KCNN3: variants seen among roughly 807,000 people sequenced by gnomAD.
The protein encoded by KCNN3 is potassium calcium-activated channel subfamily N member 3.
KCNN3 carries 16 observed loss-of-function variants against 62.9 expected under a neutral mutation model. The observed-to-expected ratio is 0.25, with a 90% CI of 0.17 to 0.39. The LOEUF (loss-of-function observed/expected upper bound fraction) is 0.39. Ranked by LOEUF, KCNN3 falls within the 10% of genes least tolerant of loss-of-function variation. The probability of loss-of-function intolerance (pLI) is 1.00; values close to 1 mark genes in which losing one functional copy is unlikely to be tolerated. For missense variants in KCNN3, 599 were observed against 949.4 expected (o/e 0.63, Z 4.85); for synonymous variants, 370 against 389.2 (o/e 0.95, Z 0.58).
At chr1:154,835,525 G>A (rs1651552599) in intron 1 of KCNN3, among the ~76,000 whole-genome samples, 1 of 152,202 alleles carries the variant, frequency 6.6e-6, no homozygotes, top group Non-Finnish European at 1.5e-5. Flanking sequence ...TTAGTAGACA[G>A]TATTTTTAGC....
In KCNN3 at chr1:154,745,413, C is replaced by T. The variant is rs6703251; in HGVS notation, c.1449-12269G>A. On this transcript the variant is annotated intron_variant, in intron 3 of 7. Transcript: ENST00000271915. Reference sequence around the variant, plus strand: ...TTTTCTCACCGAGGTGGTGGCATCTCTGTCTCCATTAGTGGTTTCCTGTAG... The same window carrying T: ...TTTTCTCACCGAGGTGGTGGCATCTTTGTCTCCATTAGTGGTTTCCTGTAG... 6.6e-3 allele frequency among the ~76,000 whole-genome samples: 1,002 copies of T among 152,340 alleles called. 12 individuals carry two copies. Among genetic ancestry groups the T allele is most frequent in the African/African-American group, 0.023 (970 of 41,570 alleles).
At chr1:154,840,319 A>G (rs1158672839) in intron 1 of KCNN3, among the ~76,000 whole-genome samples, 2 of 152,234 alleles carry the variant, frequency 1.3e-5, no homozygotes, top group African/African-American at 4.8e-5. Context: ...AAAAAGAAAT[A>G]GAAATCAAAG....
Position 154,855,691 on chromosome 1 carries a change from G to A in KCNN3, c.933+13341C>T, listed in dbSNP as rs548134570. Among the ~76,000 whole-genome samples the A allele has an allele frequency of 6.6e-5, 10 of 152,270 alleles. No individual in the cohort carries two copies. The East Asian group carries it at 1.2e-3, about 18-fold the overall frequency. ...GACACATTTCTTAGACTGCGTCCCC[G>A]TCGTTGCAACGCATGACTGTATATC... On this transcript the variant is annotated intron_variant, in intron 1 of 7. Transcript: ENST00000271915.
chr1:154,805,230 G>T (rs1650120098), intron 2 of KCNN3, among the ~76,000 whole-genome samples: 1 of 152,162 alleles, frequency 6.6e-6, no homozygotes, highest in Admixed American at 6.5e-5. Context: ...GGTCTAATCA[G>T]ACTATGGACA....
intron 2 of KCNN3, among the ~76,000 whole-genome samples, chr1:154,789,436 G>T (rs1031209776): frequency 2.1e-4 from 32 of 152,072 alleles, no homozygotes; most frequent in Admixed American, 8.5e-4. Flanking sequence ...GGCAGGGGGG[G>T]GCATTATGAT....
chr1:154,791,024 T>A (rs534418197), intron 2 of KCNN3, among the ~76,000 whole-genome samples: 1 of 151,852 alleles, frequency 6.6e-6, no homozygotes, highest in African/African-American at 2.4e-5. Flanking sequence ...AGGTCAGGAG[T>A]TCGAGACCAG....
chr1:154,700,934 T>G lies in KCNN3; in HGVS notation c.*7042A>C, dbSNP rs1055214335. ...ATTGAAAATAAGCCAATTTCCATTA[T>G]CCGGTGAGTAAGTAACCTGATAAAA... On this transcript the variant is annotated 3_prime_UTR_variant, in exon 8 of 8. Transcript: ENST00000271915. 6.6e-6 allele frequency: 1 copy of G among 152,180 alleles called. No homozygotes were observed. The highest frequency in any genetic ancestry group is 2.4e-5 in the African/African-American group (1 of 41,450). The allele number at this position is 152,180 out of a possible 1,614,324, so 9.4% of individuals were successfully genotyped here.
intron 1 of KCNN3, among the ~76,000 whole-genome samples, chr1:154,861,710 C>T (rs1308614179): frequency 1.3e-5 from 2 of 152,176 alleles, no homozygotes; most frequent in East Asian, 1.9e-4. Context: ...AACCACCGTC[C>T]GCCTGGGATG....
chr1:154,782,371 A>G (rs1234138920), intron 2 of KCNN3, among the ~76,000 whole-genome samples: 1 of 152,220 alleles, frequency 6.6e-6, no homozygotes, highest in Non-Finnish European at 1.5e-5. Flanking sequence ...ACAGTTCTGG[A>G]GGCTGGAAGT....
intron 1 of KCNN3, among the ~76,000 whole-genome samples, chr1:154,864,467 T>G (rs984471786): frequency 2.6e-5 from 4 of 152,174 alleles, no homozygotes; most frequent in Non-Finnish European, 4.4e-5. Flanking sequence ...TACTACTCAA[T>G]CATTTGGTCT....
intron 3 of KCNN3, among the ~76,000 whole-genome samples, chr1:154,739,172 G>A (rs1700775460): frequency 6.6e-6 from 1 of 152,234 alleles, no homozygotes; most frequent in African/African-American, 2.4e-5. Context: ...GGGAAGAGCT[G>A]GTGGAAGACA....
At chr1:154,751,121 C>G (rs938961127) in intron 3 of KCNN3, among the ~76,000 whole-genome samples, 1 of 152,206 alleles carries the variant, frequency 6.6e-6, no homozygotes, top group Admixed American at 6.5e-5. Context: ...TCGGCAGAGT[C>G]CAGTCCCAGG....
intron 1 of KCNN3, among the ~76,000 whole-genome samples, chr1:154,829,850 C>T (rs1470025003): frequency 3.9e-5 from 6 of 152,300 alleles, no homozygotes; most frequent in African/African-American, 1.4e-4. Context: ...CTTCCCGAGG[C>T]TGGCCATGCC....
At chr1:154,773,006 T>G (rs1484773677) in intron 2 of KCNN3, among the ~76,000 whole-genome samples, 1 of 152,178 alleles carries the variant, frequency 6.6e-6, no homozygotes, top group Non-Finnish European at 1.5e-5. Context: ...AGTGTTTTGT[T>G]TTGTTTTTTT....
At chr1:154,734,432 T>C (rs1325849632) in intron 3 of KCNN3, among the ~76,000 whole-genome samples, 1 of 152,214 alleles carries the variant, frequency 6.6e-6, no homozygotes, top group Non-Finnish European at 1.5e-5. Flanking sequence ...CCATTGGGGC[T>C]TCCGTGAGTT....
intron 2 of KCNN3, among the ~76,000 whole-genome samples, chr1:154,793,393 C>T (rs1161820222): frequency 2.0e-5 from 3 of 151,996 alleles, no homozygotes; most frequent in Non-Finnish European, 4.4e-5. Flanking sequence ...TATCTTAAAG[C>T]AAATGGGGTG....
At chr1:154,790,455 A>G (rs1177602910) in intron 2 of KCNN3, among the ~76,000 whole-genome samples, 1 of 152,232 alleles carries the variant, frequency 6.6e-6, no homozygotes, top group Non-Finnish European at 1.5e-5. Flanking sequence ...ATTAGCCTAC[A>G]TTTGAGCAAA....
chr1:154,742,883 G>T (rs957717274), intron 3 of KCNN3, among the ~76,000 whole-genome samples: 2 of 152,258 alleles, frequency 1.3e-5, no homozygotes, highest in South Asian at 2.1e-4. Flanking sequence ...GCACGGATGT[G>T]GAGAAAGAAC....
intron 1 of KCNN3, among the ~76,000 whole-genome samples, chr1:154,852,438 T>G (rs551901852): frequency 1.2e-4 from 18 of 151,324 alleles, no homozygotes; most frequent in Non-Finnish European, 1.9e-4. Flanking sequence ...GGACTCGAAC[T>G]CCTGGCCTTA....
Sources: gnomAD v4.1 joint callset for allele counts (sites outside exome capture counted in the v4.1 genomes callset) on GRCh38, gnomAD v4.1.1 for gene constraint, MANE v1.5 for transcripts, NCBI Gene and HGNC (gene_info 2026-07-23, HGNC 2026-07-21) for gene names.